Variants in NIPAL3 observed in about 807,000 individuals in gnomAD.
NIPAL3 encodes the protein NIPA-like protein 3.
NIPAL3 carries 41 observed loss-of-function variants against 47.2 expected under a neutral mutation model. The ratio of observed to expected loss-of-function variants is 0.87; its 90% confidence interval spans 0.68 to 1.13. The LOEUF is 1.13. NIPAL3 is among the 50% of genes most tolerant of loss of function. NIPAL3 has a pLI of 0.00. For missense variants in NIPAL3, 449 were observed against 530.1 expected (o/e 0.85, Z 1.50); for synonymous variants, 194 against 209.6 (o/e 0.93, Z 0.64).
rs752803086 is a variant in NIPAL3 at position 24,458,909 on chromosome 1, G to T, written c.795G>T (p.Gln265His). 3.7e-6 allele frequency: 6 copies of T among 1,614,102 alleles called. No individual in the cohort carries two copies. The South Asian group carries it at 6.6e-5, about 18-fold the overall frequency. Residue 265 changes from glutamine to histidine, a missense_variant, in exon 9 of 12, where the codon CAG (glutamine) becomes CAT (histidine). Coordinates refer to ENST00000374399, the MANE Select transcript of NIPAL3 (RefSeq NM_020448.5). ...GAAGGTTTTTGAGTCAAGCCTCACAGATGTACGACTCCTCTTTGATTGCCA... is the reference window on the plus strand; with the variant it reads ...GAAGGTTTTTGAGTCAAGCCTCACATATGTACGACTCCTCTTTGATTGCCA... The part of the protein sequence containing the change: ...YQAAFLSQAS[Q>H]MYDSSLIASV...
rs538765120 is a variant in NIPAL3, at chr1:24,470,900, T to G, written c.*1715T>G. ...ATGGGTATCAATTCAACAATATTTA[T>G]AAGGCATTTACTGTGTGCTAAGCAT... On this transcript the variant is annotated 3_prime_UTR_variant, in exon 12 of 12. Transcript: ENST00000374399. The G allele has an allele frequency of 6.6e-6, 1 of 152,338 alleles. No homozygotes were observed. The highest frequency in any genetic ancestry group is 2.4e-5 in the African/African-American group (1 of 41,576). 9.4% of individuals were successfully genotyped at this position (152,338 alleles called of 1,614,324 possible). A position where few individuals can be genotyped will look rare whatever the true frequency, so the allele number is the denominator to read the frequency against.
At position 24,458,912 on chromosome 1, in the gene NIPAL3, G is replaced by A. The variant is rs1437691029; in HGVS notation, c.798G>A (p.Met266Ile). ...QAAFLSQASQ[M>I]YDSSLIASVG... The stretch of plus-strand genomic sequence containing the variant: ...GGTTTTTGAGTCAAGCCTCACAGAT[G>A]TACGACTCCTCTTTGATTGCCAGTG... The change falls in exon 9 of 12, where the codon ATG becomes ATA. Residue 266 changes from methionine (M) to isoleucine (I), a missense_variant. By Grantham distance (10) the Met-to-Ile change is conservative. Coordinates refer to ENST00000374399, the MANE Select transcript of NIPAL3 (RefSeq NM_020448.5). The A allele has an allele frequency of 1.9e-6, 3 of 1,614,100 alleles. No homozygotes were observed. The highest frequency in any genetic ancestry group is 2.5e-6 in the Non-Finnish European group (3 of 1,179,994).
intron 6 of NIPAL3, among the ~76,000 whole-genome samples, chr1:24,452,382 G>T (rs943749672): frequency 6.6e-6 from 1 of 152,204 alleles, no homozygotes; most frequent in African/African-American, 2.4e-5. Flanking sequence ...CGCCATCGTG[G>T]TAGTACCTGC....
rs1305543595 is a variant in NIPAL3 at position 24,472,133 on chromosome 1, G to C, written c.*2948G>C. Reference sequence around the variant, plus strand: ...AGATCATGGGGACAGTGCCACCCAGGAACTGCTGCTGAGGCCTGGGAAGCT... The same window carrying C: ...AGATCATGGGGACAGTGCCACCCAGCAACTGCTGCTGAGGCCTGGGAAGCT... On this transcript the variant is annotated 3_prime_UTR_variant, in exon 12 of 12. Coordinates refer to ENST00000374399, the MANE Select transcript of NIPAL3 (RefSeq NM_020448.5). 1 of 151,966 alleles carries C rather than the reference G, an allele frequency of 6.6e-6. No homozygotes were observed. The highest frequency in any genetic ancestry group is 1.5e-5 in the Non-Finnish European group (1 of 68,026). 9.4% of individuals were successfully genotyped at this position (151,966 alleles called of 1,614,324 possible).
Position 24,449,759 on chromosome 1 carries a change from C to A in NIPAL3, c.540+133C>A. Reference sequence around the variant, plus strand: ...CATTTTACCAGCATGAAAGACCGTGCTTCTGGAGAGTACACAGCTCATGGC... The same window carrying A: ...CATTTTACCAGCATGAAAGACCGTGATTCTGGAGAGTACACAGCTCATGGC... On this transcript the variant is annotated intron_variant, in intron 6 of 11. Coordinates refer to ENST00000374399, the MANE Select transcript of NIPAL3 (RefSeq NM_020448.5). This position sits in a 1 kb window ranked among gnomAD's most constrained non-coding sequence, Gnocchi z 4.5. The A allele has an allele frequency of 2.1e-6, 2 of 971,856 alleles. No individual in the cohort carries two copies. The highest frequency in any genetic ancestry group is 3.0e-6 in the Non-Finnish European group (2 of 668,476). The allele number at this position is 971,856 out of a possible 1,614,324, so 60.2% of individuals were successfully genotyped here.
intron 6 of NIPAL3, among the ~76,000 whole-genome samples, chr1:24,450,764 C>T (rs574278215): frequency 6.6e-6 from 1 of 152,216 alleles, no homozygotes; most frequent in Non-Finnish European, 1.5e-5. Context: ...TCCCCGTGGC[C>T]TGCCGACAAA....
chr1:24,453,227 G>A (rs988220919), intron 6 of NIPAL3, among the ~76,000 whole-genome samples, 181 bp from the exon 7 acceptor site: 9 of 152,180 alleles, frequency 5.9e-5, no homozygotes, highest in Admixed American at 5.9e-4. Flanking sequence ...GGATTAGAGA[G>A]ATTCACTCTG....
chr1:24,465,244 C>T (rs1266630214), intron 11 of NIPAL3: 1 of 149,738 alleles, frequency 6.7e-6, no homozygotes, highest in Non-Finnish European at 1.5e-5. Context: ...AATCTGGCTG[C>T]TCAGATTCCT....
intron 2 of NIPAL3, among the ~76,000 whole-genome samples, chr1:24,429,429 A>G (rs751357918): frequency 2.6e-5 from 4 of 152,232 alleles, no homozygotes; most frequent in Non-Finnish European, 5.9e-5. Context: ...TATAAAGACC[A>G]TTCAGTACCC....
intron 7 of NIPAL3, among the ~76,000 whole-genome samples, chr1:24,455,797 G>C (rs963904967): frequency 1.3e-5 from 2 of 152,158 alleles, no homozygotes; most frequent in Admixed American, 6.5e-5. Flanking sequence ...TGATCCACTC[G>C]GATCCTTTTG....
Position 24,419,423 on chromosome 1 carries a change from T to A in NIPAL3, c.-125T>A. The A allele has an allele frequency of 7.2e-7, 1 of 1,383,334 alleles. No homozygotes were observed. Among genetic ancestry groups the A allele is most frequent in the East Asian group, 2.9e-5 (1 of 34,778 alleles). 85.7% of individuals were successfully genotyped at this position (1,383,334 alleles called of 1,614,324 possible). Reference sequence around the variant, plus strand: ...ACAGCCTTGAAGTATTCTTTTGTCATGAGGAAGTGACGGCTGCTGGAGGGA... The same window carrying A: ...ACAGCCTTGAAGTATTCTTTTGTCAAGAGGAAGTGACGGCTGCTGGAGGGA... On this transcript the variant is annotated 5_prime_UTR_variant, in exon 2 of 12. It removes an upstream start codon present in the reference 5' UTR. Transcript: ENST00000374399.
At chr1:24,465,902 T>A in intron 11 of NIPAL3, 2 of 1,426,318 alleles carry the variant, frequency 1.4e-6, no homozygotes, top group Middle Eastern at 1.8e-4. Context: ...AGGTAGAACA[T>A]GCAGAATAAA....
chr1:24,455,672 A>AC (rs1225379801), intron 7 of NIPAL3, among the ~76,000 whole-genome samples: 1 of 152,170 alleles, frequency 6.6e-6, no homozygotes, highest in African/African-American at 2.4e-5. Context: ...GGAAAAAAAA[A>AC]AATACAACAA....
chr1:24,447,744 G>A (rs937713313), intron 5 of NIPAL3, among the ~76,000 whole-genome samples: 3 of 152,312 alleles, frequency 2.0e-5, no homozygotes, highest in East Asian at 1.9e-4. Flanking sequence ...GATGAGAGCC[G>A]TGCTAGTCCA....
intron 2 of NIPAL3, among the ~76,000 whole-genome samples, chr1:24,435,043 T>C (rs1054992419): frequency 2.0e-5 from 3 of 152,208 alleles, no homozygotes; most frequent in African/African-American, 7.2e-5. Context: ...AATATGGTAC[T>C]GGCATAAAGA....
intron 4 of NIPAL3, among the ~76,000 whole-genome samples, chr1:24,443,746 T>C (rs1302668570): frequency 1.3e-4 from 20 of 152,228 alleles, no homozygotes; most frequent in Admixed American, 1.3e-3. Context: ...ACTTTTTTAA[T>C]GTAATTTGAA....
chr1:24,416,699 G>C lies in NIPAL3; in HGVS notation c.-258+795G>C, dbSNP rs1057196348. The C allele has an allele frequency of 6.6e-6, 1 of 152,122 alleles. No individual in the cohort carries two copies. The highest frequency in any genetic ancestry group is 1.5e-5 in the Non-Finnish European group (1 of 68,032). The allele number at this position is 152,122 out of a possible 1,614,324, so 9.4% of individuals were successfully genotyped here. ...GTCCTGAAGAAATGCTTCGAAATCAGGAAAAGAGAGTCACCAGGTGAAAAG... is the reference window on the plus strand; with the variant it reads ...GTCCTGAAGAAATGCTTCGAAATCACGAAAAGAGAGTCACCAGGTGAAAAG... On this transcript the variant is annotated intron_variant, in intron 1 of 11. Transcript: ENST00000374399. This position sits in a 1 kb window ranked among gnomAD's most constrained non-coding sequence, Gnocchi z 4.8.
chr1:24,434,812 C>T (rs7555347), intron 2 of NIPAL3, among the ~76,000 whole-genome samples: 106,784 of 152,074 alleles, frequency 0.7, 38,579 homozygotes, highest in African/African-American at 0.9. Context: ...AATTCACAAA[C>T]ATGTATAAAT....
At chr1:24,465,030 CCT>C (rs1208334480) in intron 11 of NIPAL3, 7 of 152,196 alleles carry the variant, frequency 4.6e-5, no homozygotes, top group African/African-American at 1.7e-4. Context: ...ATTAGTTCCT[CCT>C]CTCTCGTTAT....
Sources: gnomAD v4.1 joint callset for allele counts (sites outside exome capture counted in the v4.1 genomes callset) on GRCh38, gnomAD v4.1.1 for gene constraint, Gnocchi (gnomAD v3.1) non-coding constraint, MANE v1.5 for transcripts, NCBI Gene and HGNC (gene_info 2026-07-23, HGNC 2026-07-21) for gene names.